Variants in C9orf43 observed in about 807,000 individuals in gnomAD.
C9orf43 encodes the protein chromosome 9 open reading frame 43.
Under a neutral mutation model 59.1 loss-of-function variants are expected in C9orf43, and 45 were observed. The ratio of observed to expected loss-of-function variants is 0.76; its 90% CI spans 0.60 to 0.98. The LOEUF (loss-of-function observed/expected upper bound fraction) is 0.98, where lower values mean the gene tolerates loss of function less well. C9orf43 is among the 50% of genes least tolerant of loss of function. C9orf43 has a pLI of 0.00. For missense variants in C9orf43, 533 were observed against 554.9 expected, an observed-to-expected ratio of 0.96 and a Z score of 0.40; for synonymous variants, 203 against 196.8, an observed-to-expected ratio of 1.03 and a Z score of -0.26.
At chr9:113,413,254 A>C (rs1828238884) in intron 1 of C9orf43, among the ~76,000 whole-genome samples, 191 bp from the exon 2 acceptor site, 1 of 152,224 alleles carries the variant, frequency 6.6e-6, no homozygotes, top group African/African-American at 2.4e-5. Flanking sequence ...TCCTGCTCTC[A>C]AACTCTTGCC....
intron 6 of C9orf43, 39 bp from the exon 7 acceptor site, chr9:113,423,287 G>A: frequency 1.2e-6 from 2 of 1,601,694 alleles, no homozygotes; most frequent in South Asian, 1.1e-5. Flanking sequence ...AGGCTAAAAA[G>A]AATGCTTTGG....
intron 7 of C9orf43, among the ~76,000 whole-genome samples, 199 bp from the exon 8 acceptor site, chr9:113,423,967 A>G (rs770619740): frequency 6.6e-6 from 1 of 152,218 alleles, no homozygotes; most frequent in Non-Finnish European, 1.5e-5. Flanking sequence ...TGAGCCTGAC[A>G]TAGAATCAGC....
intron 1 of C9orf43, among the ~76,000 whole-genome samples, chr9:113,411,302 CTT>C (rs200343845): frequency 1.3e-4 from 18 of 141,988 alleles, no homozygotes; most frequent in East Asian, 4.1e-4. Flanking sequence ...AATGGCGTTT[CTT>C]TTTTTTTTTT....
Position 113,429,495 on chromosome 9 carries a change from A to G in C9orf43, c.*109A>G, listed in dbSNP as rs868564136. ...ACGTTTCACATAAGGGCAAGAGGAG[A>G]GGGGCTTCTGCTCTCTGGAGCCTTT... On this transcript the variant is annotated 3_prime_UTR_variant, in exon 14 of 14. Coordinates refer to ENST00000374165, the MANE Select transcript of C9orf43 (RefSeq NM_001278629.2). 9.2e-5 allele frequency: 80 copies of G among 872,804 alleles called. 1 individual carries two copies. The Middle Eastern group carries it at 4.2e-3, about 45-fold the overall frequency. 54.1% of individuals were successfully genotyped at this position (872,804 alleles called of 1,614,324 possible). A position where few individuals can be genotyped will look rare whatever the true frequency, so the allele number is the denominator to read the frequency against.
In C9orf43 at chr9:113,428,942, G is replaced by A. The variant is rs373582633; in HGVS notation, c.1150G>A (p.Asp384Asn). ...RPKMNYYDHA[D>N]FHHSVKSPEL... ...AAAGATGAACTACTATGACCATGCG[G>A]ATTTCCACCACAGTGTAAAAAGTAA... The change falls in exon 13 of 14, where the codon GAT (aspartate) becomes AAT (asparagine). Residue 384 changes from aspartate (D) to asparagine (N), a missense_variant. Physicochemically the swap from Asp to Asn is conservative, Grantham distance 23. Transcript: ENST00000374165. 6.2e-7 allele frequency: 1 copy of A among 1,613,802 alleles called. No homozygotes were observed. The highest frequency in any genetic ancestry group is 1.3e-5 in the African/African-American group (1 of 74,920).
intron 6 of C9orf43, among the ~76,000 whole-genome samples, 170 bp from the exon 7 acceptor site, chr9:113,423,156 C>T (rs1828648909): frequency 6.6e-6 from 1 of 152,184 alleles, no homozygotes; most frequent in Non-Finnish European, 1.5e-5. Context: ...CTGAATACAA[C>T]AACAGAGTTG....
intron 11 of C9orf43, 142 bp downstream of exon 11, chr9:113,425,872 G>C (rs1588113940): frequency 2.9e-6 from 2 of 694,480 alleles, no homozygotes; most frequent in Non-Finnish European, 5.1e-6. Flanking sequence ...GCTTCAGTCT[G>C]TCTGGTCTCT....
At chr9:113,420,140 C>G (rs936814744) in intron 4 of C9orf43, among the ~76,000 whole-genome samples, 2 of 152,058 alleles carry the variant, frequency 1.3e-5, no homozygotes, top group African/African-American at 4.8e-5. Flanking sequence ...GTCACCCAGG[C>G]TGGAGTGCAG....
At chr9:113,422,858 C>T (rs748390291) in intron 6 of C9orf43, among the ~76,000 whole-genome samples, 6 of 151,976 alleles carry the variant, frequency 3.9e-5, no homozygotes, top group Non-Finnish European at 8.8e-5. Context: ...CAATTAAAAA[C>T]GAATCCCCAA....
chr9:113,415,364 T>TG (rs879837364), intron 3 of C9orf43, among the ~76,000 whole-genome samples: 1 of 152,194 alleles, frequency 6.6e-6, no homozygotes, highest in Non-Finnish European at 1.5e-5. Flanking sequence ...AGGCTGGTCT[T>TG]GAACTCGTGA....
rs775802805 is a variant in C9orf43, at chr9:113,423,510, G to A, written c.656+12G>A. On this transcript the variant is annotated intron_variant, in intron 7 of 13. Transcript: ENST00000374165. ...GATCTACTGAAGGAGTAAGTATCAT[G>A]TAGGTCTGTGGGAGAGCCAGAGCAC... 15 of 1,606,932 alleles carry A rather than the reference G, an allele frequency of 9.3e-6. No individual in the cohort carries two copies. The highest frequency in any genetic ancestry group is 2.7e-5 in the African/African-American group (2 of 74,776).
intron 3 of C9orf43, 60 bp downstream of exon 3, chr9:113,413,954 T>C (rs995144676): frequency 1.3e-6 from 2 of 1,527,818 alleles, no homozygotes; most frequent in African/African-American, 2.8e-5. Context: ...GATTATGATT[T>C]TCCTTATCCA....
At chr9:113,424,406 T>G in intron 8 of C9orf43, 90 bp downstream of exon 8, 1 of 1,380,432 alleles carries the variant, frequency 7.2e-7, no homozygotes, top group Non-Finnish European at 9.9e-7. Context: ...TTCTATTCCT[T>G]ATCTCCCTTC....
At chr9:113,411,799 C>A (rs1039544389) in intron 1 of C9orf43, among the ~76,000 whole-genome samples, 32 of 152,112 alleles carry the variant, frequency 2.1e-4, no homozygotes, top group African/African-American at 7.5e-4. Flanking sequence ...CCACCTCAGC[C>A]CCAAATAGCT....
intron 4 of C9orf43, among the ~76,000 whole-genome samples, chr9:113,420,412 G>T (rs1469555003): frequency 6.6e-6 from 1 of 152,190 alleles, no homozygotes; most frequent in Non-Finnish European, 1.5e-5. Context: ...ATTATTTGAA[G>T]AGATAATGTA....
rs376570217 is a variant in C9orf43 at position 113,429,012 on chromosome 9, G to C, written c.1171+49G>C. 58 of 1,553,430 alleles carry C rather than the reference G, an allele frequency of 3.7e-5. No individual in the cohort carries two copies. In the African/African-American group the frequency reaches 7.7e-4, roughly 21 times the overall value. ...CTTAGTAAGTGACTGAGGATAGGGA[G>C]AGTTGAACCTGTGTTGACCAGGATA... is the stretch of plus-strand genomic sequence containing the variant. On this transcript the variant is annotated intron_variant, in intron 13 of 13. Coordinates refer to ENST00000374165, the MANE Select transcript of C9orf43 (RefSeq NM_001278629.2).
chr9:113,424,091 A>C, intron 7 of C9orf43, 75 bp from the exon 8 acceptor site: 4 of 1,503,028 alleles, frequency 2.7e-6, no homozygotes, highest in Non-Finnish European at 2.7e-6. Flanking sequence ...GGAGCCCTTT[A>C]CATCTCTTTC....
chr9:113,420,514 C>G (rs1828523127), intron 4 of C9orf43, among the ~76,000 whole-genome samples: 1 of 152,230 alleles, frequency 6.6e-6, no homozygotes, highest in South Asian at 2.1e-4. Flanking sequence ...TTTGTCTTCA[C>G]AGGGACAACC....
chr9:113,425,753 TG>T (rs1389933032), intron 11 of C9orf43, 23 bp downstream of exon 11: 1 of 1,588,128 alleles, frequency 6.3e-7, no homozygotes, highest in South Asian at 1.1e-5. Flanking sequence ...TATGCTTGGT[TG>T]GGGGTGATAG....
Sources: allele counts gnomAD v4.1 joint callset (sites outside exome capture counted in the v4.1 genomes callset), GRCh38; gene constraint gnomAD v4.1.1; transcripts MANE v1.5; gene names NCBI Gene and HGNC (gene_info 2026-07-23, HGNC 2026-07-21).